Variants in ADGRL3 observed in about 807,000 individuals in gnomAD.
ADGRL3 encodes adhesion G protein-coupled receptor L3, also known as calcium-independent alpha-latrotoxin receptor 3.
Under a neutral mutation model 153.5 loss-of-function variants are expected in ADGRL3, and 62 were observed. The ratio of observed to expected loss-of-function variants is 0.40; its 90% confidence interval spans 0.33 to 0.50. ADGRL3 has a LOEUF of 0.50. Among genes scored for constraint, ADGRL3 ranks in the 20% least tolerant of loss-of-function variants. The pLI, the probability that ADGRL3 is intolerant of heterozygous loss-of-function variation, is 0.47. For synonymous variants in ADGRL3, 710 were observed against 672.5 expected (o/e 1.06, Z -0.86); for missense variants, 1,641 against 1,859.4 (o/e 0.88, Z 2.16).
At chr4:61,824,375 C>G (rs1475650713) in intron 9 of ADGRL3, among the ~76,000 whole-genome samples, 1 of 152,118 alleles carries the variant, frequency 6.6e-6, no homozygotes, top group Non-Finnish European at 1.5e-5. Context: ...GTCAGGCATT[C>G]TAATGATGTA....
chr4:61,296,891 A>G (rs2094430680), intron 1 of ADGRL3, among the ~76,000 whole-genome samples: 1 of 152,186 alleles, frequency 6.6e-6, no homozygotes, highest in African/African-American at 2.4e-5. Context: ...TTTTACGTTA[A>G]GTATATCATG....
chr4:61,339,240 C>T (rs1338551033), intron 1 of ADGRL3, among the ~76,000 whole-genome samples: 1 of 152,048 alleles, frequency 6.6e-6, no homozygotes, highest in Non-Finnish European at 1.5e-5. Context: ...TATGAACAAC[C>T]CCGTAACACA....
intron 1 of ADGRL3, among the ~76,000 whole-genome samples, chr4:61,252,373 C>A (rs1338248841): frequency 6.6e-6 from 1 of 152,136 alleles, no homozygotes; most frequent in Non-Finnish European, 1.5e-5. Flanking sequence ...GTATCATTAA[C>A]ATCATCATTA....
At chr4:62,036,183 ATACC>A (rs1724878621) in intron 23 of ADGRL3, among the ~76,000 whole-genome samples, 1 of 152,186 alleles carries the variant, frequency 6.6e-6, no homozygotes, top group Non-Finnish European at 1.5e-5. Context: ...TAATTTTGCC[ATACC>A]AGAGCAGAGA....
intron 23 of ADGRL3, among the ~76,000 whole-genome samples, chr4:62,037,066 T>G (rs1488736453): frequency 1.3e-5 from 2 of 152,170 alleles, no homozygotes; most frequent in African/African-American, 4.8e-5. Flanking sequence ...TCTCTGTGAT[T>G]ATTGAGTAGA....
At chr4:61,285,737 G>T (rs1049857101) in intron 1 of ADGRL3, among the ~76,000 whole-genome samples, 3 of 151,642 alleles carry the variant, frequency 2.0e-5, no homozygotes, top group African/African-American at 7.3e-5. Flanking sequence ...TGTCCTTTTG[G>T]TGCTCTCCTT....
intron 15 of ADGRL3, 72 bp downstream of exon 15, chr4:61,936,117 T>G: frequency 6.5e-7 from 1 of 1,538,126 alleles, no homozygotes; most frequent in East Asian, 2.3e-5. Flanking sequence ...TGGCCGGGAA[T>G]ATTAGGTCCA....
At chr4:61,228,129 A>T (rs1748805438) in intron 1 of ADGRL3, among the ~76,000 whole-genome samples, 2 of 152,054 alleles carry the variant, frequency 1.3e-5, no homozygotes, top group South Asian at 4.1e-4. Flanking sequence ...TTAAAATGTG[A>T]AGTAATTCAT....
intron 5 of ADGRL3, among the ~76,000 whole-genome samples, chr4:61,668,455 A>G (rs1394728246): frequency 2.6e-5 from 4 of 152,246 alleles, no homozygotes. Flanking sequence ...TATAGAAGCA[A>G]CAGAAAAAAC....
At chr4:61,694,401 A>G (rs903937006) in intron 6 of ADGRL3, among the ~76,000 whole-genome samples, 5 of 151,860 alleles carry the variant, frequency 3.3e-5, no homozygotes, top group African/African-American at 9.7e-5. Flanking sequence ...AGGACATATT[A>G]CAATAAAGAT....
intron 4 of ADGRL3, among the ~76,000 whole-genome samples, chr4:61,558,210 C>A (rs1312090231): frequency 1.5e-5 from 2 of 136,250 alleles, no homozygotes; most frequent in African/African-American, 5.6e-5. Context: ...TACACTGTGT[C>A]TTATCACAGT....
At chr4:61,347,039 T>C (rs1050662781) in intron 1 of ADGRL3, among the ~76,000 whole-genome samples, 3 of 152,084 alleles carry the variant, frequency 2.0e-5, no homozygotes. Context: ...TAGTCTGTGC[T>C]CTCACTATTA....
At chr4:61,819,886 T>C (rs1222420180) in intron 9 of ADGRL3, among the ~76,000 whole-genome samples, 1 of 152,152 alleles carries the variant, frequency 6.6e-6, no homozygotes, top group Non-Finnish European at 1.5e-5. Flanking sequence ...GTTTTAAAAC[T>C]CTATTTTGAA....
intron 2 of ADGRL3, among the ~76,000 whole-genome samples, chr4:61,387,653 C>T (rs1473585507): frequency 6.6e-6 from 1 of 152,136 alleles, no homozygotes; most frequent in Non-Finnish European, 1.5e-5. Context: ...CACCGGTGGT[C>T]AGAGTTTAAG....
chr4:61,241,305 A>G (rs1754860761), intron 1 of ADGRL3, among the ~76,000 whole-genome samples: 1 of 152,038 alleles, frequency 6.6e-6, no homozygotes, highest in Non-Finnish European at 1.5e-5. Context: ...TGAGCATGTA[A>G]GGTCACAGTT....
intron 9 of ADGRL3, among the ~76,000 whole-genome samples, chr4:61,844,038 C>T (rs1468081369): frequency 6.8e-6 from 1 of 146,424 alleles, no homozygotes; most frequent in East Asian, 2.0e-4. Context: ...AAAAAAAAAT[C>T]AACAGTAGAC....
chr4:61,777,571 C>T (rs537297872), intron 8 of ADGRL3, among the ~76,000 whole-genome samples: 1 of 152,076 alleles, frequency 6.6e-6, no homozygotes, highest in Admixed American at 6.5e-5. Flanking sequence ...CACGTGAACA[C>T]AGGACTGATA....
chr4:62,025,092 A>G (rs1452945912), intron 21 of ADGRL3, among the ~76,000 whole-genome samples: 2 of 152,200 alleles, frequency 1.3e-5, no homozygotes, highest in Admixed American at 6.6e-5. Flanking sequence ...TATCATAAGT[A>G]TAACCATTTG....
At chr4:61,981,369 A>G (rs1289007255) in intron 18 of ADGRL3, among the ~76,000 whole-genome samples, 1 of 152,066 alleles carries the variant, frequency 6.6e-6, no homozygotes, top group African/African-American at 2.4e-5. Context: ...TATTTTGGAA[A>G]ATAGTACAAC....
Sources: allele counts gnomAD v4.1 joint callset (sites outside exome capture counted in the v4.1 genomes callset), GRCh38; gene constraint gnomAD v4.1.1; transcripts MANE v1.5; gene names NCBI Gene and HGNC (gene_info 2026-07-23, HGNC 2026-07-21).